Variants in PROSER2 observed in about 807,000 individuals in gnomAD.
PROSER2 encodes the protein proline and serine-rich protein 2.
PROSER2 carries 18 observed loss-of-function variants against 14.6 expected under a neutral mutation model. The ratio of observed to expected loss-of-function variants is 1.23; its 90% confidence interval spans 0.85 to 1.83. PROSER2 has a LOEUF of 1.83. Among genes scored for constraint, PROSER2 ranks in the 40% most tolerant of loss-of-function variants. The pLI, the probability that PROSER2 is intolerant of heterozygous loss-of-function variation, is 0.00. For missense variants in PROSER2, 823 were observed against 629.8 expected, an observed-to-expected ratio of 1.31 and a Z score of -3.28; for synonymous variants, 367 against 286.4, an observed-to-expected ratio of 1.28 and a Z score of -2.84.
intron 1 of PROSER2, among the ~76,000 whole-genome samples, chr10:11,833,933 G>A (rs1447021824): frequency 6.6e-6 from 1 of 151,684 alleles, no homozygotes; most frequent in Non-Finnish European, 1.5e-5. Context: ...AAGCCTGGGA[G>A]GAGGGCAGCA....
chr10:11,846,520 G>A (rs1364595789), intron 1 of PROSER2, among the ~76,000 whole-genome samples: 3 of 151,972 alleles, frequency 2.0e-5, no homozygotes, highest in Non-Finnish European at 4.4e-5. Context: ...GCCATCTGTC[G>A]AGTTTTTTCT....
intron 2 of PROSER2, among the ~76,000 whole-genome samples, chr10:11,855,473 C>CAA (rs71380787): frequency 9.7e-5 from 10 of 102,630 alleles, no homozygotes; most frequent in Admixed American, 2.0e-4. Context: ...GACTCCATCT[C>CAA]AAAAAAAAAA....
chr10:11,843,436 C>T (rs886088685), intron 1 of PROSER2, among the ~76,000 whole-genome samples: 5 of 150,956 alleles, frequency 3.3e-5, no homozygotes, highest in Non-Finnish European at 7.4e-5. Flanking sequence ...GCCTGTAATC[C>T]CAGCACTTTG....
At chr10:11,845,763 G>A (rs1254597756) in intron 1 of PROSER2, among the ~76,000 whole-genome samples, 1 of 152,078 alleles carries the variant, frequency 6.6e-6, no homozygotes, top group Non-Finnish European at 1.5e-5. Flanking sequence ...CTTGCGTGCT[G>A]GGGTCTCATT....
In PROSER2 at chr10:11,836,068, G is replaced by C. The variant is rs1468171984; in HGVS notation, c.-82+12598G>C. On this transcript the variant is annotated intron_variant, in intron 1 of 3. Coordinates refer to ENST00000277570, the MANE Select transcript of PROSER2 (RefSeq NM_153256.4). This position sits in a 1 kb window ranked among gnomAD's most constrained non-coding sequence, Gnocchi z 4.6. Reference sequence around the variant, plus strand: ...TTATCTAGAGACAGAGTCTCACTCTGTCGCCCAGGCTGCAGTGCAGTGGCA... The same window carrying C: ...TTATCTAGAGACAGAGTCTCACTCTCTCGCCCAGGCTGCAGTGCAGTGGCA... Among the ~76,000 whole-genome samples the C allele has an allele frequency of 1.3e-5, 2 of 152,160 alleles. No homozygotes were observed. The highest frequency in any genetic ancestry group is 4.8e-5 in the African/African-American group (2 of 41,434).
intron 1 of PROSER2, among the ~76,000 whole-genome samples, chr10:11,847,010 C>A (rs1012681492): frequency 2.0e-5 from 3 of 151,946 alleles, no homozygotes; most frequent in East Asian, 3.9e-4. Flanking sequence ...CCTCGGCCTC[C>A]CAAAGTGTTG....
chr10:11,869,285 T>G lies in PROSER2; in HGVS notation c.392-205T>G. On this transcript the variant is annotated intron_variant, in intron 3 of 3. Transcript: ENST00000277570. This position sits in a 1 kb window ranked among gnomAD's most constrained non-coding sequence, Gnocchi z 4.4. ...CTTGCAGGGCTATCGTGATTGTCCCTTATCAGCGTGAGGTCATGAGCATGA... is the reference window on the plus strand; with the variant it reads ...CTTGCAGGGCTATCGTGATTGTCCCGTATCAGCGTGAGGTCATGAGCATGA... The G allele has an allele frequency of 1.7e-6, 1 of 601,030 alleles. No individual in the cohort carries two copies. The highest frequency in any genetic ancestry group is 3.0e-6 in the Non-Finnish European group (1 of 336,570). 37.2% of individuals were successfully genotyped at this position (601,030 alleles called of 1,614,324 possible).
At chr10:11,857,050 A>G (rs1272967324) in intron 2 of PROSER2, among the ~76,000 whole-genome samples, 1 of 152,098 alleles carries the variant, frequency 6.6e-6, no homozygotes, top group Non-Finnish European at 1.5e-5. Flanking sequence ...TTCACTCAAC[A>G]TTTCATACAT....
intron 1 of PROSER2, chr10:11,851,476 CAG>C (rs1834016321): frequency 6.6e-6 from 1 of 152,204 alleles, no homozygotes. Flanking sequence ...TGAACTGTAA[CAG>C]AGCTGGAGAA....
intron 2 of PROSER2, among the ~76,000 whole-genome samples, chr10:11,857,733 A>G (rs1373551063): frequency 7.8e-6 from 1 of 127,466 alleles, no homozygotes; most frequent in African/African-American, 3.0e-5. Flanking sequence ...CAACAGATGG[A>G]GACCCCATCT....
At chr10:11,842,119 G>A (rs1833853163) in intron 1 of PROSER2, among the ~76,000 whole-genome samples, 1 of 151,932 alleles carries the variant, frequency 6.6e-6, no homozygotes. Flanking sequence ...CTACTTGAGA[G>A]GCTAAGGCAA....
intron 1 of PROSER2, among the ~76,000 whole-genome samples, chr10:11,827,853 A>G (rs1376122367): frequency 1.3e-5 from 2 of 151,586 alleles, no homozygotes; most frequent in South Asian, 2.1e-4. Flanking sequence ...TAATTTTTGT[A>G]TTTTTGATAG....
chr10:11,861,893 G>C (rs1163103664), intron 2 of PROSER2, among the ~76,000 whole-genome samples: 1 of 152,164 alleles, frequency 6.6e-6, no homozygotes, highest in Non-Finnish European at 1.5e-5. Context: ...GGAAGACATA[G>C]GGCAGAAAAC....
At chr10:11,843,839 G>A (rs1833885359) in intron 1 of PROSER2, among the ~76,000 whole-genome samples, 1 of 151,656 alleles carries the variant, frequency 6.6e-6, no homozygotes, top group African/African-American at 2.4e-5. Flanking sequence ...GTGATAGAGT[G>A]AAACTCCATC....
chr10:11,862,895 G>C lies in PROSER2; in HGVS notation c.139-3636G>C, dbSNP rs1449970784. The C allele has an allele frequency of 6.6e-6, 1 of 152,138 alleles. No homozygotes were observed. The highest frequency in any genetic ancestry group is 2.4e-5 in the African/African-American group (1 of 41,436). The allele number at this position is 152,138 out of a possible 1,614,324, so 9.4% of individuals were successfully genotyped here. On this transcript the variant is annotated intron_variant, in intron 2 of 3. Coordinates refer to ENST00000277570, the MANE Select transcript of PROSER2 (RefSeq NM_153256.4). This position sits in a 1 kb window ranked among gnomAD's most constrained non-coding sequence, Gnocchi z 4.2. ...CTGAAAATCACAGTGAAATATGACT[G>C]CATTCCTCTCCTTCAGGGCGCTAGA...
rs1834270544 is a variant in PROSER2 at position 11,862,877 on chromosome 10, T to C, written c.139-3654T>C. On this transcript the variant is annotated intron_variant, in intron 2 of 3. Transcript: ENST00000277570. This position sits in a 1 kb window ranked among gnomAD's most constrained non-coding sequence, Gnocchi z 4.2. ...GTCTTCGTGGAAATGACACTGAAAATCACAGTGAAATATGACTGCATTCCT... is the reference window on the plus strand; with the variant it reads ...GTCTTCGTGGAAATGACACTGAAAACCACAGTGAAATATGACTGCATTCCT... The C allele has an allele frequency of 6.6e-6, 1 of 151,990 alleles. No homozygotes were observed. The highest frequency in any genetic ancestry group is 6.6e-5 in the Admixed American group (1 of 15,256). The allele number at this position is 151,990 out of a possible 1,614,324, so 9.4% of individuals were successfully genotyped here. A position where few individuals can be genotyped will look rare whatever the true frequency, so the allele number is the denominator to read the frequency against.
chr10:11,824,229 A>G lies in PROSER2; in HGVS notation c.-82+759A>G, dbSNP rs560797467. On this transcript the variant is annotated intron_variant, in intron 1 of 3. Transcript: ENST00000277570. Reference sequence around the variant, plus strand: ...CAGAGCAGAAAAGTTAAAGTGAGTGAAGGAAAATGAGTGTGTGTGTGTTTT... The same window carrying G: ...CAGAGCAGAAAAGTTAAAGTGAGTGGAGGAAAATGAGTGTGTGTGTGTTTT... Among the ~76,000 whole-genome samples, 28 of 152,318 alleles carry G rather than the reference A, an allele frequency of 1.8e-4. No individual in the cohort carries two copies. In the South Asian group the frequency reaches 2.3e-3, roughly 12 times the overall value.
chr10:11,854,680 C>T (rs1424320487), intron 2 of PROSER2, among the ~76,000 whole-genome samples: 5 of 151,986 alleles, frequency 3.3e-5, no homozygotes, highest in Non-Finnish European at 7.4e-5. Flanking sequence ...GCCTCACCCT[C>T]CCGAGTAGCT....
intron 1 of PROSER2, among the ~76,000 whole-genome samples, chr10:11,834,838 C>G (rs1383635822): frequency 6.6e-6 from 1 of 151,860 alleles, no homozygotes; most frequent in Non-Finnish European, 1.5e-5. Context: ...CGCAGTGGCT[C>G]ACGCCTGTAA....
Sources: allele counts gnomAD v4.1 joint callset (sites outside exome capture counted in the v4.1 genomes callset), GRCh38; gene constraint gnomAD v4.1.1; non-coding constraint Gnocchi (gnomAD v3.1); transcripts MANE v1.5; gene names NCBI Gene and HGNC (gene_info 2026-07-23, HGNC 2026-07-21).